GMPS: variants seen among roughly 807,000 people sequenced by gnomAD.
GMPS encodes guanosine monophosphate synthase.
Under a neutral mutation model 77.9 loss-of-function variants are expected in GMPS, and 15 were observed. The observed-to-expected ratio is 0.19, with a 90% confidence interval of 0.13 to 0.30. The LOEUF is 0.30. Among genes scored for constraint, GMPS ranks in the 10% least tolerant of loss-of-function variants. GMPS has a pLI of 1.00. For missense variants in GMPS, 590 were observed against 838.8 expected, an observed-to-expected ratio of 0.70 and a Z score of 3.66; for synonymous variants, 224 against 275.9, an observed-to-expected ratio of 0.81 and a Z score of 1.86.
chr3:155,906,406 A>AAT, intron 5 of GMPS, 143 bp downstream of exon 5: 1 of 529,540 alleles, frequency 1.9e-6, no homozygotes, highest in East Asian at 3.0e-5. Context: ...TAATGAATGT[A>AAT]GGATTAACTG....
chr3:155,926,751 G>T (rs572624387), intron 12 of GMPS, among the ~76,000 whole-genome samples: 6 of 152,102 alleles, frequency 3.9e-5, no homozygotes, highest in African/African-American at 1.2e-4. Flanking sequence ...GTTGCCAGGC[G>T]CAGTGGTTCA....
At chr3:155,892,003 G>T (rs1172766541) in intron 1 of GMPS, among the ~76,000 whole-genome samples, 1 of 152,112 alleles carries the variant, frequency 6.6e-6, no homozygotes, top group Non-Finnish European at 1.5e-5. Context: ...TGGTGGAAAA[G>T]ATTACACAAG....
At chr3:155,880,906 A>T (rs1474799314) in intron 1 of GMPS, among the ~76,000 whole-genome samples, 1 of 151,916 alleles carries the variant, frequency 6.6e-6, no homozygotes, top group Non-Finnish European at 1.5e-5. Flanking sequence ...AAAAAGAAAA[A>T]AATAAGTGTG....
chr3:155,901,458 TA>T (rs1754735571), intron 3 of GMPS, among the ~76,000 whole-genome samples: 1 of 152,176 alleles, frequency 6.6e-6, no homozygotes, highest in African/African-American at 2.4e-5. Context: ...TTGCCATGAA[TA>T]TTTTTTTACT....
intron 1 of GMPS, among the ~76,000 whole-genome samples, chr3:155,888,941 G>A (rs1356839399): frequency 6.6e-6 from 1 of 151,848 alleles, no homozygotes; most frequent in Non-Finnish European, 1.5e-5. Flanking sequence ...GGCTGGTCTC[G>A]AACTCATGGG....
rs570968049 is a variant in GMPS, at chr3:155,882,328, C to T, written c.28-11190C>T. Among the ~76,000 whole-genome samples, 3 of 152,336 alleles carry T rather than the reference C, an allele frequency of 2.0e-5. No individual in the cohort carries two copies. In the South Asian group the frequency reaches 6.2e-4, roughly 32 times the overall value. ...TACAGTGAAGAATATAATGATCCCTCAGGTCCCTATCCAGTTCAGCAGTTA... is the reference window on the plus strand; with the variant it reads ...TACAGTGAAGAATATAATGATCCCTTAGGTCCCTATCCAGTTCAGCAGTTA... On this transcript the variant is annotated intron_variant, in intron 1 of 15. Transcript: ENST00000496455.
intron 1 of GMPS, among the ~76,000 whole-genome samples, chr3:155,877,055 T>G (rs1754067146): frequency 6.6e-6 from 1 of 152,204 alleles, no homozygotes; most frequent in African/African-American, 2.4e-5. Context: ...TAAATTTAAT[T>G]TCTACCTCAT....
intron 10 of GMPS, 54 bp downstream of exon 10, chr3:155,919,392 GAA>G: frequency 3.7e-6 from 3 of 810,712 alleles, no homozygotes; most frequent in Non-Finnish European, 6.2e-6. Flanking sequence ...TCATGTTGAA[GAA>G]AAATCAATTC....
Position 155,893,565 on chromosome 3 carries a change from AG to A in GMPS, c.77del (p.Gly26GlufsTer16), listed in dbSNP as rs1416303703. 6.2e-7 allele frequency: 1 copy of A among 1,612,952 alleles called. No homozygotes were observed. The highest frequency in any genetic ancestry group is 1.7e-5 in the Admixed American group (1 of 59,988). On this transcript the variant is annotated frameshift_variant, in exon 2 of 16. Coordinates refer to ENST00000496455, the MANE Select transcript of GMPS (RefSeq NM_003875.3). LOFTEE classifies it high-confidence loss of function. ...TTAAGGATGGCCACCACCACTATGA[AG>A]GAGCTGTTGTCATTCTGGATGCTGG... ...DLKDGHHHYE[G>X]AVVILDAGAQ...
At chr3:155,893,340 G>A (rs932987153) in intron 1 of GMPS, among the ~76,000 whole-genome samples, 178 bp from the exon 2 acceptor site, 5 of 152,168 alleles carry the variant, frequency 3.3e-5, no homozygotes, top group African/African-American at 9.7e-5. Flanking sequence ...ATATGCCCAT[G>A]CATGGATATA....
In GMPS at chr3:155,942,140, G is replaced by A. The variant is rs1755907108; in HGVS notation, c.*4448G>A. On this transcript the variant is annotated 3_prime_UTR_variant, in exon 16 of 16. Transcript: ENST00000496455. ...ACAGAGTCTCGCTCTGTCCCCAAGT[G>A]CAGTGGCACAATCTCGGCTCACTGC... The A allele has an allele frequency of 5.3e-6, 1 of 187,512 alleles. No individual in the cohort carries two copies. Among genetic ancestry groups the A allele is most frequent in the African/African-American group, 2.3e-5 (1 of 42,716 alleles). The allele number at this position is 187,512 out of a possible 1,614,324, so 11.6% of individuals were successfully genotyped here. A position where few individuals can be genotyped will look rare whatever the true frequency, so the allele number is the denominator to read the frequency against.
Position 155,903,962 on chromosome 3 carries a change from TATTAC to T in GMPS, c.422+6_422+10del. 8.3e-7 allele frequency: 1 copy of T among 1,199,482 alleles called. No homozygotes were observed. The highest frequency in any genetic ancestry group is 1.4e-5 in the South Asian group (1 of 70,382). 74.3% of individuals were successfully genotyped at this position (1,199,482 alleles called of 1,614,324 possible). A position where few individuals can be genotyped will look rare whatever the true frequency, so the allele number is the denominator to read the frequency against. On this transcript the variant is annotated splice_donor_5th_base_variant and intron_variant, in intron 4 of 15. Coordinates refer to ENST00000496455, the MANE Select transcript of GMPS (RefSeq NM_003875.3). ...GGATAATACATGTTCATTATTCAGG[TATTAC>T]ATTTTTAGATGAATAAGAACAATAG...
chr3:155,940,669 T>G lies in GMPS; in HGVS notation c.*2977T>G, dbSNP rs1399876297. The G allele has an allele frequency of 4.6e-6, 1 of 217,242 alleles. No homozygotes were observed. The highest frequency in any genetic ancestry group is 9.2e-6 in the Non-Finnish European group (1 of 108,342). 13.5% of individuals were successfully genotyped at this position (217,242 alleles called of 1,614,324 possible). ...ACTGTATTAAATTTTCAGCATCAAA[T>G]CCAGCTATAAATTTGTATTTTGTAA... On this transcript the variant is annotated 3_prime_UTR_variant, in exon 16 of 16. Transcript: ENST00000496455.
intron 1 of GMPS, among the ~76,000 whole-genome samples, chr3:155,888,225 T>A (rs1016586888): frequency 6.0e-4 from 81 of 134,264 alleles, no homozygotes; most frequent in Middle Eastern, 3.9e-3. Flanking sequence ...TTTTTTTTTT[T>A]AATCCAGTAA....
Position 155,897,931 on chromosome 3 carries a change from AT to A in GMPS, c.216del (p.Ile73SerfsTer37). ...FAIKEQGFRA[I>X]IISGGPNSVY... ...TGATTGTTCCTTAAATCACAGTGCT[AT>A]TATCATCTCTGGAGGACCTAATTCT... On this transcript the variant is annotated frameshift_variant, in exon 3 of 16. Transcript: ENST00000496455. LOFTEE classifies it high-confidence loss of function. 1 of 1,476,760 alleles carries A rather than the reference AT, an allele frequency of 6.8e-7. No individual in the cohort carries two copies. The highest frequency in any genetic ancestry group is 9.5e-7 in the Non-Finnish European group (1 of 1,054,808). 91.5% of individuals were successfully genotyped at this position (1,476,760 alleles called of 1,614,324 possible).
intron 1 of GMPS, among the ~76,000 whole-genome samples, chr3:155,884,540 A>T (rs531105650): frequency 2.3e-4 from 35 of 152,308 alleles, no homozygotes; most frequent in African/African-American, 8.4e-4. Flanking sequence ...CTGGAAAGAC[A>T]AGTCTTAGGA....
chr3:155,912,007 T>G (rs956949388), intron 7 of GMPS, among the ~76,000 whole-genome samples: 24 of 152,266 alleles, frequency 1.6e-4, no homozygotes, highest in African/African-American at 5.8e-4. Context: ...GGGCCACTAG[T>G]AAACTTCTTA....
chr3:155,880,711 A>G (rs550746076), intron 1 of GMPS, among the ~76,000 whole-genome samples: 1 of 152,318 alleles, frequency 6.6e-6, no homozygotes, highest in Non-Finnish European at 1.5e-5. Flanking sequence ...GTATTGGTGC[A>G]GTATTTTTAA....
In GMPS at chr3:155,941,639, T is replaced by G. The variant is rs1755894819; in HGVS notation, c.*3947T>G. On this transcript the variant is annotated 3_prime_UTR_variant, in exon 16 of 16. Transcript: ENST00000496455. Reference sequence around the variant, plus strand: ...CTTAGCTATCACCCCAATGGATGCTTCTTTCATTGACCCAAATCCAGAATG... The same window carrying G: ...CTTAGCTATCACCCCAATGGATGCTGCTTTCATTGACCCAAATCCAGAATG... The G allele has an allele frequency of 9.0e-6, 2 of 222,410 alleles. No homozygotes were observed. Among genetic ancestry groups the G allele is most frequent in the East Asian group, 1.3e-4 (2 of 15,378 alleles). 13.8% of individuals were successfully genotyped at this position (222,410 alleles called of 1,614,324 possible).
Sources: allele counts gnomAD v4.1 joint callset (sites outside exome capture counted in the v4.1 genomes callset), GRCh38; gene constraint gnomAD v4.1.1; transcripts MANE v1.5; gene names NCBI Gene and HGNC (gene_info 2026-07-23, HGNC 2026-07-21).